WLS: variants seen among roughly 807,000 people sequenced by gnomAD.
WLS encodes Wnt ligand secretion mediator, also known as protein wntless homolog.
WLS carries 23 observed loss-of-function variants against 62.8 expected under a neutral mutation model. The ratio of observed to expected loss-of-function variants is 0.37; its 90% CI spans 0.26 to 0.52. The LOEUF is 0.52. Ranked by LOEUF, WLS falls within the 20% of genes least tolerant of loss-of-function variation. The probability of loss-of-function intolerance (pLI) is 0.92; values close to 1 mark genes in which losing one functional copy is unlikely to be tolerated. For synonymous variants in WLS, 246 were observed against 244.1 expected, an observed-to-expected ratio of 1.01 and a Z score of -0.07; for missense variants, 615 against 697.3, an observed-to-expected ratio of 0.88 and a Z score of 1.33.
rs569371385 is a variant in WLS at position 68,106,604 on chromosome 1, A to G, written c.1511-7851T>C. On this transcript the variant is annotated intron_variant, in intron 11 of 11. Coordinates refer to the WLS transcript ENST00000354777. ...CTAGGTACCTGCTGCTCACTGTTCAATGGTGGCAGACATTTCAGTGTAGGC... is the reference window on the plus strand; with the variant it reads ...CTAGGTACCTGCTGCTCACTGTTCAGTGGTGGCAGACATTTCAGTGTAGGC... 2.0e-5 allele frequency among the ~76,000 whole-genome samples: 3 copies of G among 152,294 alleles called. No homozygotes were observed. In the East Asian group the frequency reaches 5.8e-4, roughly 29 times the overall value.
intron 1 of WLS, chr1:68,231,794 G>T: frequency 2.1e-6 from 1 of 479,902 alleles, no homozygotes; most frequent in South Asian, 1.5e-5. Flanking sequence ...AGTCGATTAC[G>T]TTGCCCTCCC....
At chr1:68,131,003 C>T (rs1321457454) in intron 11 of WLS, among the ~76,000 whole-genome samples, 4 of 150,192 alleles carry the variant, frequency 2.7e-5, no homozygotes, top group Non-Finnish European at 4.4e-5. Flanking sequence ...AGAGATTCTC[C>T]TGCCTCAGTT....
At chr1:68,143,776 CTTCCTGT>C (rs1646717773) in intron 10 of WLS, among the ~76,000 whole-genome samples, 2 of 152,156 alleles carry the variant, frequency 1.3e-5, no homozygotes, top group Admixed American at 6.5e-5. Flanking sequence ...GTAAATATTA[CTTCCTGT>C]AGTCATTACA....
chr1:68,231,346 G>C (rs975755603), intron 1 of WLS, among the ~76,000 whole-genome samples: 4 of 152,178 alleles, frequency 2.6e-5, no homozygotes, highest in African/African-American at 7.2e-5. Context: ...CCTGCGGGGG[G>C]CTGTGGTGGG....
At chr1:68,162,969 C>T in intron 2 of WLS, 32 of 1,595,296 alleles carry the variant, frequency 2.0e-5, no homozygotes, top group Non-Finnish European at 2.7e-5. Context: ...GCAGTCGCGG[C>T]CGTCCAGCAG....
chr1:68,098,498 G>C, exon 12 of WLS: 1 of 1,366,866 alleles, frequency 7.3e-7, no homozygotes, highest in Non-Finnish European at 9.8e-7. Flanking sequence ...ATTTATTGTT[G>C]ACGCTTTTTT....
chr1:68,117,623 C>T (rs533217108), intron 11 of WLS: 1 of 152,392 alleles, frequency 6.6e-6, no homozygotes, highest in African/African-American at 2.4e-5. Context: ...CCTCGGCTCA[C>T]TGAGCCCGTG....
chr1:68,117,309 A>G (rs2100347082), intron 11 of WLS: 1 of 152,336 alleles, frequency 6.6e-6, no homozygotes, highest in Admixed American at 6.5e-5. Flanking sequence ...TTTAAACAAC[A>G]TGTAATTTGA....
At chr1:68,178,953 T>C (rs1193125829) in intron 2 of WLS, among the ~76,000 whole-genome samples, 3 of 152,180 alleles carry the variant, frequency 2.0e-5, no homozygotes, top group Non-Finnish European at 4.4e-5. Context: ...AGGTTATTTA[T>C]ACACTGACTC....
intron 11 of WLS, among the ~76,000 whole-genome samples, chr1:68,128,788 C>T (rs553580778): frequency 6.6e-6 from 1 of 152,258 alleles, no homozygotes; most frequent in South Asian, 2.1e-4. Context: ...TCATAGCAGT[C>T]CTCAGAGGCA....
At chr1:68,195,702 C>T (rs1409978601) in intron 1 of WLS, among the ~76,000 whole-genome samples, 1 of 152,036 alleles carries the variant, frequency 6.6e-6, no homozygotes, top group African/African-American at 2.4e-5. Flanking sequence ...TATATGGAAT[C>T]CCTCTTTTAT....
At chr1:68,199,634 T>C (rs1225158481) in intron 1 of WLS, among the ~76,000 whole-genome samples, 1 of 152,192 alleles carries the variant, frequency 6.6e-6, no homozygotes, top group Non-Finnish European at 1.5e-5. Flanking sequence ...CCTTGCCTTT[T>C]CTAATCAGTG....
At chr1:68,218,196 G>T (rs2100656862) in intron 1 of WLS, among the ~76,000 whole-genome samples, 1 of 152,226 alleles carries the variant, frequency 6.6e-6, no homozygotes, top group African/African-American at 2.4e-5. Flanking sequence ...TAAGGGGAAA[G>T]AATAAAACAT....
At chr1:68,129,121 TTGAACCAGCC>T (rs1416030239) in intron 11 of WLS, among the ~76,000 whole-genome samples, 1 of 152,044 alleles carries the variant, frequency 6.6e-6, no homozygotes, top group African/African-American at 2.4e-5. Context: ...GGTCAGGAGT[TTGAACCAGCC>T]TGGTCAACAT....
chr1:68,217,396 A>G (rs559706114), intron 1 of WLS, among the ~76,000 whole-genome samples: 1 of 152,194 alleles, frequency 6.6e-6, no homozygotes, highest in Non-Finnish European at 1.5e-5. Flanking sequence ...GCTTCATTAC[A>G]CTAACCAACA....
chr1:68,162,052 C>T, intron 2 of WLS: 21 of 1,590,264 alleles, frequency 1.3e-5, no homozygotes, highest in Non-Finnish European at 1.8e-5. Flanking sequence ...TGGGATGTGA[C>T]CTGTGATGGC....
At chr1:68,215,797 C>T (rs1649702702) in intron 1 of WLS, among the ~76,000 whole-genome samples, 1 of 152,148 alleles carries the variant, frequency 6.6e-6, no homozygotes. Context: ...AGTAGAAAGG[C>T]ACTATACAAA....
In WLS at chr1:68,155,139, A is replaced by G; in HGVS notation, c.626T>C (p.Ile209Thr). 1 of 1,613,954 alleles carries G rather than the reference A, an allele frequency of 6.2e-7. No individual in the cohort carries two copies. Among genetic ancestry groups the G allele is most frequent in the East Asian group, 2.2e-5 (1 of 44,864 alleles). The change falls in exon 4 of 12, where the codon ATC becomes ACC. Residue 209 changes from isoleucine (I) to threonine (T), a missense_variant. Coordinates refer to ENST00000262348, the MANE Select transcript of WLS (RefSeq NM_024911.7). Reference protein sequence around the residue: ...IRLPVNEKKKINVGIGEIKDI... With the variant: ...IRLPVNEKKKTNVGIGEIKDI... ...CTTTATCTCCCCAATTCCCACATTG[A>G]TTTTCTTCTTCTCATTCACAGGCAG...
chr1:68,145,196 T>A (rs902084714), intron 9 of WLS, among the ~76,000 whole-genome samples: 1 of 152,260 alleles, frequency 6.6e-6, no homozygotes, highest in East Asian at 1.9e-4. Flanking sequence ...TCTGTGCAGA[T>A]CTACTGCATA....
Sources: allele counts gnomAD v4.1 joint callset (sites outside exome capture counted in the v4.1 genomes callset), GRCh38; gene constraint gnomAD v4.1.1; transcripts MANE v1.5; gene names NCBI Gene and HGNC (gene_info 2026-07-23, HGNC 2026-07-21).